Variants in ZNF689 observed in about 807,000 individuals in gnomAD.
ZNF689 encodes the protein zinc finger protein 689, also known as short ORF-encoded histone-binding protein.
In ZNF689, 14 loss-of-function variants were observed where a neutral mutation model predicts 37.2. The ratio of observed to expected loss-of-function variants is 0.38; its 90% CI spans 0.25 to 0.59. The LOEUF is 0.59. Ranked by LOEUF, ZNF689 falls within the 20% of genes least tolerant of loss-of-function variation. The pLI is 0.68. For synonymous variants in ZNF689, 277 were observed against 283.3 expected (o/e 0.98, Z 0.22); for missense variants, 573 against 700.2 (o/e 0.82, Z 2.05).
rs1293355400 is a variant in ZNF689, at chr16:30,603,450, G to A, written c.*814C>T. 1 of 151,070 alleles carries A rather than the reference G, an allele frequency of 6.6e-6. No individual in the cohort carries two copies. Among genetic ancestry groups the A allele is most frequent in the Non-Finnish European group, 1.5e-5 (1 of 67,986 alleles). 9.4% of individuals were successfully genotyped at this position (151,070 alleles called of 1,614,324 possible). On this transcript the variant is annotated 3_prime_UTR_variant, in exon 3 of 3. Coordinates refer to ENST00000287461, the MANE Select transcript of ZNF689 (RefSeq NM_138447.3). ...ACCATGCAGCTCCCCCAAATTCAGT[G>A]CAACCAAAGCTGCTGAAACAAGTCC...
In ZNF689 at chr16:30,604,409, C is replaced by T. The variant is rs1422093198; in HGVS notation, c.1358G>A (p.Gly453Glu). The T allele has an allele frequency of 3.1e-6, 5 of 1,613,728 alleles. No homozygotes were observed. Among genetic ancestry groups the T allele is most frequent in the Non-Finnish European group, 4.2e-6 (5 of 1,179,942 alleles). Residue 453 changes from glycine to glutamate, a missense_variant, in exon 3 of 3, where the codon GGG (glycine) becomes GAG (glutamate). This residue lies in a region of ZNF689 where 317 missense variants were observed against 367.1 expected (regional missense o/e 0.86). Transcript: ENST00000287461. This position sits in a 1 kb window ranked among gnomAD's most constrained non-coding sequence, Gnocchi z 5.2. ...CTCGAGGCAGGGGAAAGGCTTCTCC[C>T]CCGTGTGCAGCAGCTGGTGCTGGGC... ...HLAQHQLLHT[G>E]EKPFPCLECG...
chr16:30,609,052 ACT>A (rs1327592481), intron 2 of ZNF689, among the ~76,000 whole-genome samples: 4 of 151,856 alleles, frequency 2.6e-5, no homozygotes, highest in African/African-American at 7.3e-5. Context: ...AACCCAGAAA[ACT>A]CTGAGAAGTT....
At position 30,609,989 on chromosome 16, in the gene ZNF689, G is replaced by C. The variant is rs751087721; in HGVS notation, c.53C>G (p.Pro18Arg). ...CGGCCTCCTGCCCCTTTTCCGACTG[G>C]GTCTGGCCTTTCCTGGTCCCTGCGC... ...LPAQGPGKAR[P>R]SRKRGRRPRA... Residue 18 changes from proline to arginine, a missense_variant, in exon 1 of 3, where the codon CCC becomes CGC. Coordinates refer to ENST00000287461, the MANE Select transcript of ZNF689 (RefSeq NM_138447.3). 3 of 1,610,364 alleles carry C rather than the reference G, an allele frequency of 1.9e-6. No homozygotes were observed. In the South Asian group the frequency reaches 3.3e-5, roughly 18 times the overall value.
chr16:30,605,163 C>G lies in ZNF689; in HGVS notation c.604G>C (p.Glu202Gln), dbSNP rs768483728. 2 of 1,614,140 alleles carry G rather than the reference C, an allele frequency of 1.2e-6. No homozygotes were observed. Among genetic ancestry groups the G allele is most frequent in the Non-Finnish European group, 1.7e-6 (2 of 1,180,038 alleles). Reference sequence around the variant, plus strand: ...CACTGGTCACAAACATAGGGGCACTCGCCGGAGTGTGCCCGCCGGTGACTG... The same window carrying G: ...CACTGGTCACAAACATAGGGGCACTGGCCGGAGTGTGCCCGCCGGTGACTG... ...LVSHRRAHSG[E>Q]CPYVCDQCGK... is the part of the protein sequence containing the mutation. The change falls in exon 3 of 3, where the codon GAG (glutamate) becomes CAG (glutamine). Residue 202 changes from glutamate to glutamine, a missense_variant. Physicochemically the swap from Glu to Gln is conservative, Grantham distance 29. Coordinates refer to ENST00000287461, the MANE Select transcript of ZNF689 (RefSeq NM_138447.3). The surrounding 1 kb of genome is among the most constrained non-coding windows in gnomAD (Gnocchi z 5.1).
chr16:30,609,439 TA>T, intron 2 of ZNF689, 85 bp downstream of exon 2: 2 of 1,279,756 alleles, frequency 1.6e-6, no homozygotes, highest in Non-Finnish European at 2.2e-6. Flanking sequence ...CACCCACCCC[TA>T]GCCCAACCAA....
intron 2 of ZNF689, chr16:30,608,723 T>TA (rs1169543524): frequency 2.0e-5 from 3 of 152,226 alleles, no homozygotes; most frequent in Admixed American, 6.5e-5. Context: ...GTGATTTAGA[T>TA]ATAACCAATG....
rs892955654 is a variant in ZNF689, at chr16:30,610,121, G to C, written c.-80C>G. 6.8e-7 allele frequency: 1 copy of C among 1,471,534 alleles called. No individual in the cohort carries two copies. Among genetic ancestry groups the C allele is most frequent in the African/African-American group, 1.4e-5 (1 of 70,922 alleles). The allele number at this position is 1,471,534 out of a possible 1,614,324, so 91.2% of individuals were successfully genotyped here. On this transcript the variant is annotated 5_prime_UTR_variant, in exon 1 of 3. Transcript: ENST00000287461. ...CGCTGGCGGCCCCTGGGATCGAGGA[G>C]CCCCTGCCGGACCAGGGCTGAGCGT...
intron 2 of ZNF689, among the ~76,000 whole-genome samples, chr16:30,606,586 G>A (rs1043202679): frequency 1.3e-5 from 2 of 151,210 alleles, no homozygotes; most frequent in South Asian, 2.1e-4. Context: ...TGAAATCTCC[G>A]CCTCCCGGGT....
Position 30,604,758 on chromosome 16 carries a change from G to A in ZNF689, c.1009C>T (p.Arg337Cys). ...TAGGGACGCTCCCCAGAGTGCACAC[G>A]CCGGTGACTGACCAGGCGAGAGGAG... ...SSSSRLVSHRRVHSGERPYAC... is the reference protein window; with the variant it reads ...SSSSRLVSHRCVHSGERPYAC... Residue 337 changes from arginine to cysteine, a missense_variant, in exon 3 of 3, where the codon CGT (arginine) becomes TGT (cysteine). Physicochemically the swap from Arg to Cys is radical, Grantham distance 180 (BLOSUM62 -3). Coordinates refer to ENST00000287461, the MANE Select transcript of ZNF689 (RefSeq NM_138447.3). The surrounding 1 kb of genome is among the most constrained non-coding windows in gnomAD (Gnocchi z 5.2). 6.2e-7 allele frequency: 1 copy of A among 1,607,892 alleles called. No homozygotes were observed. Among genetic ancestry groups the A allele is most frequent in the Non-Finnish European group, 8.5e-7 (1 of 1,177,798 alleles).
intron 2 of ZNF689, among the ~76,000 whole-genome samples, chr16:30,606,004 A>C (rs1031487188): frequency 2.6e-5 from 4 of 152,160 alleles, no homozygotes; most frequent in African/African-American, 9.6e-5. Context: ...CATCATTCAA[A>C]AGTCAAAATA....
In ZNF689 at chr16:30,605,493, C is replaced by T. The variant is rs748802821; in HGVS notation, c.320-46G>A. On this transcript the variant is annotated intron_variant, in intron 2 of 2. Transcript: ENST00000287461. The surrounding 1 kb of genome is among the most constrained non-coding windows in gnomAD (Gnocchi z 5.1). ...TAATTTAACAAATACTGGGCTCCTG[C>T]TCTTGTCAATTACATTATAGGTTAC... 2 of 1,572,012 alleles carry T rather than the reference C, an allele frequency of 1.3e-6. No individual in the cohort carries two copies. The highest frequency in any genetic ancestry group is 2.3e-5 in the South Asian group (2 of 86,016).
Position 30,604,886 on chromosome 16 carries a change from C to T in ZNF689, c.881G>A (p.Cys294Tyr). The T allele has an allele frequency of 6.3e-7, 1 of 1,577,468 alleles. No homozygotes were observed. Among genetic ancestry groups the T allele is most frequent in the Non-Finnish European group, 8.6e-7 (1 of 1,161,686 alleles). The change falls in exon 3 of 3, where the codon TGC (cysteine) becomes TAC (tyrosine). Residue 294 changes from cysteine to tyrosine, a missense_variant. Physicochemically the swap from Cys to Tyr is radical, Grantham distance 194. Around this residue, in one of 3 missense-constraint regions of ZNF689, gnomAD observed 317 missense variants for 367.1 expected, o/e 0.86. Coordinates refer to ENST00000287461, the MANE Select transcript of ZNF689 (RefSeq NM_138447.3). The surrounding 1 kb of genome is among the most constrained non-coding windows in gnomAD (Gnocchi z 5.2). ...TGEKPYTCLE[C>Y]NRRFRQRTAL... ...CGTGCGCTGGCGGAAGCGGCGGTTG[C>T]ACTCGAGGCAAGTGTAGGGCTTCTC...
Position 30,602,571 on chromosome 16 carries a change from C to T in ZNF689, c.*1693G>A, listed in dbSNP as rs1182885062. Reference sequence around the variant, plus strand: ...CAAGGAACAGAATTCATTCATCAGACATTTTAATGAGACCCAATCTGATAT... The same window carrying T: ...CAAGGAACAGAATTCATTCATCAGATATTTTAATGAGACCCAATCTGATAT... On this transcript the variant is annotated 3_prime_UTR_variant, in exon 3 of 3. Coordinates refer to ENST00000287461, the MANE Select transcript of ZNF689 (RefSeq NM_138447.3). The T allele has an allele frequency of 6.6e-6, 1 of 152,212 alleles. No individual in the cohort carries two copies. Among genetic ancestry groups the T allele is most frequent in the African/African-American group, 2.4e-5 (1 of 41,454 alleles). 9.4% of individuals were successfully genotyped at this position (152,212 alleles called of 1,614,324 possible).
In ZNF689 at chr16:30,609,631, T is replaced by G. The variant is rs748580393; in HGVS notation, c.213A>C (p.Ala71=). ...TYGHLGALGC[A]GPKPALISWL... ...AGGAGATGAGGGCTGGTTTGGGACC[T>G]GCGCACCCTGGGGAAAGAGAACAAA... Residue 71 remains alanine, a synonymous_variant, in exon 2 of 3, where the codon GCA becomes GCC. Coordinates refer to ENST00000287461, the MANE Select transcript of ZNF689 (RefSeq NM_138447.3). The G allele has an allele frequency of 3.7e-6, 6 of 1,613,908 alleles. No individual in the cohort carries two copies. The highest frequency in any genetic ancestry group is 5.1e-6 in the Non-Finnish European group (6 of 1,179,964).
chr16:30,604,702 G>A lies in ZNF689; in HGVS notation c.1065C>T (p.Ser355=). ...YACEHCEARF[S]QRSTLLQHQL... ...GGTGCTGGAGCAGCGTGCTGCGCTG[G>A]GAGAAGCGGGCCTCACAGTGCTCGC... The change falls in exon 3 of 3, where the codon TCC becomes TCT. Residue 355 remains serine, a synonymous_variant. Coordinates refer to ENST00000287461, the MANE Select transcript of ZNF689 (RefSeq NM_138447.3). The surrounding 1 kb of genome is among the most constrained non-coding windows in gnomAD (Gnocchi z 5.2). 2 of 1,607,986 alleles carry A rather than the reference G, an allele frequency of 1.2e-6. No individual in the cohort carries two copies. The highest frequency in any genetic ancestry group is 1.7e-6 in the Non-Finnish European group (2 of 1,178,494).
Position 30,604,344 on chromosome 16 carries a change from G to A in ZNF689, c.1423C>T (p.His475Tyr), listed in dbSNP as rs1277195714. The A allele has an allele frequency of 6.2e-7, 1 of 1,613,762 alleles. No homozygotes were observed. The highest frequency in any genetic ancestry group is 8.5e-7 in the Non-Finnish European group (1 of 1,179,886). Residue 475 changes from histidine (H) to tyrosine (Y), a missense_variant, in exon 3 of 3, where the codon CAC becomes TAC. Coordinates refer to ENST00000287461, the MANE Select transcript of ZNF689 (RefSeq NM_138447.3). This position sits in a 1 kb window ranked among gnomAD's most constrained non-coding sequence, Gnocchi z 5.2. ...TTTGGGGCCTTGGGGCTACACTTGT[G>A]GACAGCCAGAGACCACCTCTGGCGG... The part of the protein sequence containing the change: ...CFRQRWSLAV[H>Y]KCSPKAPNCS...
At position 30,604,916 on chromosome 16, in the gene ZNF689, G is replaced by C; in HGVS notation, c.851C>G (p.Thr284Arg). 2 of 1,575,258 alleles carry C rather than the reference G, an allele frequency of 1.3e-6. No individual in the cohort carries two copies. The highest frequency in any genetic ancestry group is 1.7e-6 in the Non-Finnish European group (2 of 1,160,012). ...SLLAIHQRTH[T>R]GEKPYTCLEC... ...GAGGCAAGTGTAGGGCTTCTCTCCC[G>C]TGTGTGTACGCTGGTGGATGGCTAG... Residue 284 changes from threonine to arginine, a missense_variant, in exon 3 of 3, where the codon ACG becomes AGG. By Grantham distance (71) the Thr-to-Arg change is moderately conservative. Around this residue, in one of 3 missense-constraint regions of ZNF689, gnomAD observed 317 missense variants for 367.1 expected, o/e 0.86. Transcript: ENST00000287461. This position sits in a 1 kb window ranked among gnomAD's most constrained non-coding sequence, Gnocchi z 5.2.
chr16:30,606,730 G>A (rs2052040111), intron 2 of ZNF689, among the ~76,000 whole-genome samples: 2 of 152,136 alleles, frequency 1.3e-5, no homozygotes, highest in Middle Eastern at 6.8e-3. Context: ...TCGAACTCCT[G>A]ACCTCAGGTT....
chr16:30,607,972 A>G (rs1024335603), intron 2 of ZNF689, among the ~76,000 whole-genome samples: 3 of 152,208 alleles, frequency 2.0e-5, no homozygotes, highest in African/African-American at 7.2e-5. Context: ...ACACACACAC[A>G]AAAGAGTGTA....
Sources: gnomAD v4.1 joint callset for allele counts (sites outside exome capture counted in the v4.1 genomes callset) on GRCh38, gnomAD v4.1.1 for gene constraint, gnomAD v4.1.1 regional missense constraint, Gnocchi (gnomAD v3.1) non-coding constraint, MANE v1.5 for transcripts, NCBI Gene and HGNC (gene_info 2026-07-23, HGNC 2026-07-21) for gene names.